Variants in ASIC2 observed in about 807,000 individuals in gnomAD.
ASIC2 encodes acid-sensing ion channel 2.
ASIC2 carries 25 observed loss-of-function variants against 57.3 expected under a neutral mutation model. The ratio of observed to expected loss-of-function variants is 0.44; its 90% CI spans 0.32 to 0.61. ASIC2 has a LOEUF of 0.61. Ranked by LOEUF, ASIC2 falls within the 20% of genes least tolerant of loss-of-function variation. ASIC2 has a pLI of 0.06. For synonymous variants in ASIC2, 319 were observed against 307.5 expected (o/e 1.04, Z -0.39); for missense variants, 641 against 738.1 (o/e 0.87, Z 1.52).
chr17:33,803,171 AT>A (rs1912177764), intron 1 of ASIC2, among the ~76,000 whole-genome samples: 1 of 152,178 alleles, frequency 6.6e-6, no homozygotes, highest in African/African-American at 2.4e-5. Context: ...GCATGAGGGA[AT>A]TTCCAAGCAC....
At chr17:33,835,436 T>C (rs1016595718) in intron 1 of ASIC2, among the ~76,000 whole-genome samples, 1 of 152,310 alleles carries the variant, frequency 6.6e-6, no homozygotes, top group East Asian at 1.9e-4. Context: ...CCCTAAGAAG[T>C]CTTCACTGAT....
chr17:33,446,899 T>A (rs1284248384), intron 1 of ASIC2, among the ~76,000 whole-genome samples: 1 of 152,202 alleles, frequency 6.6e-6, no homozygotes, highest in Non-Finnish European at 1.5e-5. Context: ...TTTTCACTCC[T>A]GTAAGATGAA....
intron 1 of ASIC2, among the ~76,000 whole-genome samples, chr17:33,851,434 T>A (rs1329414149): frequency 1.3e-5 from 2 of 151,894 alleles, no homozygotes; most frequent in African/African-American, 4.8e-5. Flanking sequence ...TGTTGGGGAG[T>A]GTTCCAGAGT....
chr17:34,138,844 T>A (rs896660160), intron 1 of ASIC2, among the ~76,000 whole-genome samples: 2 of 152,190 alleles, frequency 1.3e-5, no homozygotes, highest in Non-Finnish European at 2.9e-5. Flanking sequence ...TGAGAATTAA[T>A]CATCCCTCAA....
intron 1 of ASIC2, among the ~76,000 whole-genome samples, chr17:33,249,238 T>C (rs1364101684): frequency 6.7e-6 from 1 of 149,242 alleles, no homozygotes; most frequent in Non-Finnish European, 1.5e-5. Flanking sequence ...GTGGAATAGG[T>C]TTCGGGAGTA....
chr17:33,677,787 G>A (rs879008270), intron 1 of ASIC2, among the ~76,000 whole-genome samples: 1 of 152,194 alleles, frequency 6.6e-6, no homozygotes, highest in African/African-American at 2.4e-5. Flanking sequence ...TTATGGGTGA[G>A]CAAAGAAAGT....
intron 1 of ASIC2, among the ~76,000 whole-genome samples, chr17:33,648,159 G>A (rs1353204388): frequency 6.6e-6 from 1 of 152,210 alleles, no homozygotes; most frequent in Non-Finnish European, 1.5e-5. Context: ...TGGAGCCTGG[G>A]GAGGGAGGCT....
chr17:34,025,630 T>C (rs1328814540), intron 1 of ASIC2, among the ~76,000 whole-genome samples: 1 of 152,240 alleles, frequency 6.6e-6, no homozygotes, highest in East Asian at 1.9e-4. Context: ...TTTCCCACTG[T>C]TAATTGTAAA....
intron 1 of ASIC2, among the ~76,000 whole-genome samples, chr17:33,578,779 G>T (rs530922678): frequency 7.9e-6 from 1 of 125,980 alleles, no homozygotes; most frequent in South Asian, 2.8e-4. Flanking sequence ...TGCTGATTTC[G>T]CATAATCCTA....
intron 1 of ASIC2, among the ~76,000 whole-genome samples, chr17:33,454,371 G>A (rs1863329407): frequency 6.6e-6 from 1 of 152,222 alleles, no homozygotes; most frequent in East Asian, 1.9e-4. Context: ...CTCAGAAACA[G>A]CTATGAGGCA....
At chr17:33,504,233 C>A (rs1914182603) in intron 1 of ASIC2, among the ~76,000 whole-genome samples, 4 of 152,250 alleles carry the variant, frequency 2.6e-5, no homozygotes. Context: ...GTACTGCCCA[C>A]AGCTAAACAC....
At chr17:33,691,401 T>C (rs1334953363) in intron 1 of ASIC2, among the ~76,000 whole-genome samples, 1 of 152,168 alleles carries the variant, frequency 6.6e-6, no homozygotes, top group African/African-American at 2.4e-5. Flanking sequence ...CATCAAACAT[T>C]TTTTGCTTTG....
At chr17:33,826,694 G>A (rs1434576531) in intron 1 of ASIC2, among the ~76,000 whole-genome samples, 1 of 152,122 alleles carries the variant, frequency 6.6e-6, no homozygotes, top group African/African-American at 2.4e-5. Context: ...AAGGACCAAA[G>A]GTAGTGCAGA....
intron 1 of ASIC2, among the ~76,000 whole-genome samples, chr17:33,579,811 G>C (rs115898174): frequency 3.3e-5 from 5 of 151,982 alleles, no homozygotes; most frequent in South Asian, 2.1e-4. Context: ...AACACCCCTT[G>C]GATTTCGGCG....
intron 1 of ASIC2, among the ~76,000 whole-genome samples, chr17:33,272,842 A>G (rs1904558373): frequency 6.6e-6 from 1 of 152,180 alleles, no homozygotes; most frequent in South Asian, 2.1e-4. Flanking sequence ...CTATTTTTCA[A>G]CAACTTTTTA....
At chr17:33,884,647 C>T (rs1597916128) in intron 1 of ASIC2, among the ~76,000 whole-genome samples, 1 of 152,110 alleles carries the variant, frequency 6.6e-6, no homozygotes, top group African/African-American at 2.4e-5. Context: ...TAGCTTCCCA[C>T]TTGGCCTCCC....
At position 33,199,402 on chromosome 17, in the gene ASIC2, A is replaced by G. The variant is rs111606258; in HGVS notation, c.709-87335T>C. On this transcript the variant is annotated intron_variant, in intron 1 of 9. Coordinates refer to ENST00000225823, the MANE Select transcript of ASIC2 (RefSeq NM_183377.2). ...CAGGTGGGAAAATGTTCCCTAGGAA[A>G]TGCTTCATTAGGGGAGGTAACCACA... Among the ~76,000 whole-genome samples, 1,363 of 152,288 alleles carry G rather than the reference A, an allele frequency of 9.0e-3. 8 individuals carry two copies. Among genetic ancestry groups the G allele is most frequent in the African/African-American group, 0.013 (560 of 41,562 alleles).
intron 1 of ASIC2, among the ~76,000 whole-genome samples, chr17:33,495,109 G>C (rs1303364195): frequency 6.6e-6 from 1 of 152,214 alleles, no homozygotes; most frequent in Non-Finnish European, 1.5e-5. Flanking sequence ...GAGGGGTCCA[G>C]GGTGCAAAAT....
intron 1 of ASIC2, among the ~76,000 whole-genome samples, chr17:34,153,945 G>A (rs553737185): frequency 1.7e-3 from 264 of 152,320 alleles, no homozygotes; most frequent in Admixed American, 3.0e-3. Flanking sequence ...ACCTCAGCAA[G>A]TAAAAAGATG....
Sources: gnomAD v4.1 joint callset for allele counts (sites outside exome capture counted in the v4.1 genomes callset) on GRCh38, gnomAD v4.1.1 for gene constraint, MANE v1.5 for transcripts, NCBI Gene and HGNC (gene_info 2026-07-23, HGNC 2026-07-21) for gene names.